RPH3A: variants seen among roughly 807,000 people sequenced by gnomAD.
The protein encoded by RPH3A is rabphilin 3A.
RPH3A carries 48 observed loss-of-function variants against 102.2 expected under a neutral mutation model. That is an observed-to-expected ratio of 0.47 (90% CI 0.37 to 0.60). The LOEUF (loss-of-function observed/expected upper bound fraction) is 0.60. RPH3A is among the 20% of genes least tolerant of loss of function. RPH3A has a pLI of 0.00. For missense variants in RPH3A, 781 were observed against 910.1 expected (o/e 0.86, Z 1.83); for synonymous variants, 310 against 324.3 (o/e 0.96, Z 0.47).
chr12:112,862,317 A>G (rs1173313279), intron 5 of RPH3A, among the ~76,000 whole-genome samples: 7 of 152,200 alleles, frequency 4.6e-5, no homozygotes, highest in Admixed American at 4.6e-4. Context: ...AGGCAGGAGA[A>G]CTACTTGAAG....
chr12:112,580,750 G>A (rs1283769839), intron 1 of RPH3A, among the ~76,000 whole-genome samples: 1 of 152,056 alleles, frequency 6.6e-6, no homozygotes, highest in Non-Finnish European at 1.5e-5. Flanking sequence ...GGGCGAGGTG[G>A]GGAAGTTAGC....
intron 1 of RPH3A, among the ~76,000 whole-genome samples, chr12:112,785,941 G>A (rs2041046937): frequency 6.6e-6 from 1 of 152,164 alleles, no homozygotes; most frequent in African/African-American, 2.4e-5. Flanking sequence ...AATGGTAGCT[G>A]TTATTCATCA....
chr12:112,896,061 A>G (rs2043174431), intron 21 of RPH3A, among the ~76,000 whole-genome samples, 188 bp downstream of exon 21: 1 of 152,268 alleles, frequency 6.6e-6, no homozygotes, highest in African/African-American at 2.4e-5. Context: ...GAAAAGCCTT[A>G]CAAAACTTGA....
chr12:112,804,068 T>G (rs1372850096), intron 2 of RPH3A, among the ~76,000 whole-genome samples: 1 of 152,248 alleles, frequency 6.6e-6, no homozygotes, highest in East Asian at 1.9e-4. Flanking sequence ...AGATTCAGTT[T>G]TGTTTCGCAA....
At chr12:112,865,388 C>T (rs1390646684) in intron 5 of RPH3A, 26 bp from the exon 6 acceptor site, 3 of 1,611,724 alleles carry the variant, frequency 1.9e-6, no homozygotes, top group South Asian at 2.2e-5. Flanking sequence ...CTACAAGGTC[C>T]TTATTTACCT....
rs1565857276 is a variant in RPH3A at position 112,713,022 on chromosome 12, C to CTT, written c.-139-79121_-139-79120insTT. 2.5e-3 allele frequency among the ~76,000 whole-genome samples: 175 copies of CTT among 69,780 alleles called. 13 individuals carry two copies. Among genetic ancestry groups the CTT allele is most frequent in the East Asian group, 0.012 (31 of 2,664 alleles). The allele number at this position is 69,780 out of a possible 152,430, so 45.8% of individuals were successfully genotyped here. A position where few individuals can be genotyped will look rare whatever the true frequency, so the allele number is the denominator to read the frequency against. ...TCCTCTTCCTCTTCCTCTTCCTCTT[C>CTT]CTCTTCTTCTTCTTCTTCTTCTTCT... On this transcript the variant is annotated intron_variant, in intron 1 of 21. Transcript: ENST00000543106.
At chr12:112,786,822 C>G (rs1338778475), upstream of RPH3A, among the ~76,000 whole-genome samples, 1 of 152,184 alleles carries the variant, frequency 6.6e-6, no homozygotes, top group East Asian at 1.9e-4. Flanking sequence ...CAAATAACCA[C>G]AAACTCTGTG....
At chr12:112,714,775 G>A (rs1379936063) in intron 1 of RPH3A, among the ~76,000 whole-genome samples, 2 of 152,188 alleles carry the variant, frequency 1.3e-5, no homozygotes, top group East Asian at 3.9e-4. Context: ...GGCTCTGCAG[G>A]AAAAGTACTA....
intron 1 of RPH3A, among the ~76,000 whole-genome samples, chr12:112,596,951 G>T (rs1349136921): frequency 1.3e-5 from 2 of 152,126 alleles, no homozygotes; most frequent in Non-Finnish European, 2.9e-5. Flanking sequence ...TTATTCATAG[G>T]TTAAAAACAT....
chr12:112,866,949 G>T, intron 7 of RPH3A, 109 bp downstream of exon 7: 1 of 758,500 alleles, frequency 1.3e-6, no homozygotes, highest in South Asian at 1.6e-5. Context: ...AGTGAACATT[G>T]ACAGAACAAC....
intron 1 of RPH3A, among the ~76,000 whole-genome samples, chr12:112,662,943 G>T (rs77140145): frequency 0.012 from 1,853 of 151,992 alleles, 43 homozygotes; most frequent in African/African-American, 0.042. Flanking sequence ...TGAAAAATTT[G>T]TGGTGAAGAA....
intron 5 of RPH3A, among the ~76,000 whole-genome samples, chr12:112,860,547 A>G (rs1257395672): frequency 6.6e-6 from 1 of 152,184 alleles, no homozygotes; most frequent in Non-Finnish European, 1.5e-5. Context: ...CACAGCCTTC[A>G]TTTTCCAGGA....
At chr12:112,651,433 C>G (rs1435639812) in intron 1 of RPH3A, among the ~76,000 whole-genome samples, 1 of 152,098 alleles carries the variant, frequency 6.6e-6, no homozygotes, top group Non-Finnish European at 1.5e-5. Flanking sequence ...AACTCCCGCC[C>G]CCAGCTAAAC....
intron 1 of RPH3A, among the ~76,000 whole-genome samples, chr12:112,621,361 C>T (rs1198448692): frequency 3.7e-4 from 55 of 148,304 alleles, no homozygotes; most frequent in African/African-American, 1.3e-3. Flanking sequence ...GCACCGTGCG[C>T]GAGCCGAAGC....
At chr12:112,795,245 C>T (rs1456219451) in intron 2 of RPH3A, among the ~76,000 whole-genome samples, 1 of 152,202 alleles carries the variant, frequency 6.6e-6, no homozygotes, top group Non-Finnish European at 1.5e-5. Context: ...CTGCCCTTCA[C>T]CCTCATTCAG....
chr12:112,606,873 C>T (rs1024902569), intron 1 of RPH3A, among the ~76,000 whole-genome samples: 5 of 152,180 alleles, frequency 3.3e-5, no homozygotes, highest in African/African-American at 1.2e-4. Context: ...TCCCACCAGG[C>T]CCCTCCTCCA....
intron 2 of RPH3A, among the ~76,000 whole-genome samples, chr12:112,812,528 G>A (rs1459973794): frequency 2.0e-5 from 3 of 152,174 alleles, no homozygotes; most frequent in African/African-American, 4.8e-5. Flanking sequence ...GCATTTCAGG[G>A]TGTGAAAAAA....
chr12:112,658,944 T>A (rs750304316), intron 1 of RPH3A, among the ~76,000 whole-genome samples: 7 of 152,194 alleles, frequency 4.6e-5, no homozygotes, highest in African/African-American at 7.2e-5. Context: ...CATTGAGAAC[T>A]CACTTTATAC....
chr12:112,603,293 A>T (rs2039571391), intron 1 of RPH3A, among the ~76,000 whole-genome samples: 7 of 152,178 alleles, frequency 4.6e-5, no homozygotes, highest in Admixed American at 2.0e-4. Context: ...TTAGTAGCAA[A>T]AGCACTCTTG....
Sources: gnomAD v4.1 joint callset for allele counts (sites outside exome capture counted in the v4.1 genomes callset) on GRCh38, gnomAD v4.1.1 for gene constraint, MANE v1.5 for transcripts, NCBI Gene and HGNC (gene_info 2026-07-23, HGNC 2026-07-21) for gene names.